The following CELA1 variants were observed in gnomAD, a reference collection of about 807,000 sequenced individuals.
CELA1 encodes chymotrypsin-like elastase family member 1.
In CELA1, 28 loss-of-function variants were observed where a neutral mutation model predicts 34.8. That is an observed-to-expected ratio of 0.80 (90% confidence interval 0.60 to 1.10). CELA1 has a LOEUF of 1.10. CELA1 is among the 50% of genes least tolerant of loss of function. The pLI, the probability that CELA1 is intolerant of heterozygous loss-of-function variation, is 0.00. For missense variants in CELA1, 288 were observed against 327.5 expected, an observed-to-expected ratio of 0.88 and a Z score of 0.93; for synonymous variants, 140 against 129.8, an observed-to-expected ratio of 1.08 and a Z score of -0.53.
chr12:51,346,514 G>T, intron 1 of CELA1, 109 bp downstream of exon 1: 1 of 1,051,412 alleles, frequency 9.5e-7, no homozygotes, highest in East Asian at 2.6e-5. Context: ...CCTGGACTTA[G>T]GGAAAATTTG....
Position 51,346,625 on chromosome 12 carries a change from T to G in CELA1, c.14A>C (p.Tyr5Ser), listed in dbSNP as rs117443541. Residue 5 changes from tyrosine (Y) to serine (S), a missense_variant and splice_region_variant, in exon 1 of 8, where the codon TAT becomes TCT. Transcript: ENST00000293636. ...GCGACTGGACCATATCCACTTACCA[T>G]AAAGGACCAGCATGTTGCCGATGGA... is the stretch of plus-strand genomic sequence containing the variant. MLVLYGHSTQDLPET... is the reference protein window; with the variant it reads MLVLSGHSTQDLPET... The G allele has an allele frequency of 2.1e-4, 121 of 576,010 alleles. No homozygotes were observed. In the African/African-American group the frequency reaches 2.8e-3, roughly 13 times the overall value. 35.7% of individuals were successfully genotyped at this position (576,010 alleles called of 1,614,324 possible). A position where few individuals can be genotyped will look rare whatever the true frequency, so the allele number is the denominator to read the frequency against.
intron 6 of CELA1, among the ~76,000 whole-genome samples, chr12:51,334,774 TTC>T (rs1365072362): frequency 1.3e-5 from 2 of 152,268 alleles, no homozygotes; most frequent in South Asian, 2.1e-4. Flanking sequence ...GCCTGCCAGC[TTC>T]TCTCTCTCCT....
chr12:51,340,174 C>T lies in CELA1; in HGVS notation c.464-169G>A, dbSNP rs74904266. ...CCTCTGTCTTCTCTCTTTATATGGC[C>T]GCACAGGACCCTTCCCTCAGGGAGG... is the stretch of plus-strand genomic sequence containing the variant. On this transcript the variant is annotated intron_variant, in intron 5 of 7. Coordinates refer to ENST00000293636, the MANE Select transcript of CELA1 (RefSeq NM_001971.6). Among the ~76,000 whole-genome samples, 756 of 152,226 alleles carry T rather than the reference C, an allele frequency of 5.0e-3. 5 individuals carry two copies. The highest frequency in any genetic ancestry group is 0.017 in the African/African-American group (697 of 41,516).
intron 7 of CELA1, 135 bp downstream of exon 7, chr12:51,329,549 G>T: frequency 2.2e-6 from 2 of 918,604 alleles, no homozygotes; most frequent in Non-Finnish European, 3.2e-6. Flanking sequence ...GTGGAAGGAA[G>T]GGAAGGGAGT....
At chr12:51,333,317 C>A (rs138107002) in intron 6 of CELA1, among the ~76,000 whole-genome samples, 3,094 of 151,974 alleles carry the variant, frequency 0.02, 41 homozygotes, top group Non-Finnish European at 0.033. Flanking sequence ...TGGTCTTGAA[C>A]TCCTGACCTC....
At chr12:51,333,274 A>G (rs763995879) in intron 6 of CELA1, among the ~76,000 whole-genome samples, 6 of 151,662 alleles carry the variant, frequency 4.0e-5, no homozygotes, top group Non-Finnish European at 7.4e-5. Flanking sequence ...TTGCATTTTT[A>G]GTAGAGATGG....
At chr12:51,332,287 C>A (rs1206078902) in intron 6 of CELA1, among the ~76,000 whole-genome samples, 1 of 151,568 alleles carries the variant, frequency 6.6e-6, no homozygotes, top group Non-Finnish European at 1.5e-5. Flanking sequence ...ATAGTAAATG[C>A]CGAATGTTGA....
chr12:51,342,459 C>G (rs773981951), intron 4 of CELA1, 116 bp downstream of exon 4: 3 of 1,454,920 alleles, frequency 2.1e-6, no homozygotes, highest in Non-Finnish European at 2.8e-6. Flanking sequence ...GAGCCACGGA[C>G]CAGGTTTCAG....
chr12:51,332,004 G>T (rs1426131675), intron 6 of CELA1, among the ~76,000 whole-genome samples: 1 of 151,856 alleles, frequency 6.6e-6, no homozygotes, highest in Non-Finnish European at 1.5e-5. Flanking sequence ...GGTACAAACC[G>T]AGACCCCCAT....
rs760279262 is a variant in CELA1, at chr12:51,343,820, A to G, written c.133T>C (p.Tyr45His). 6.2e-7 allele frequency: 1 copy of G among 1,608,840 alleles called. No individual in the cohort carries two copies. The highest frequency in any genetic ancestry group is 8.5e-7 in the Non-Finnish European group (1 of 1,176,110). Residue 45 changes from tyrosine (Y) to histidine (H), a missense_variant, in exon 3 of 8, where the codon TAT becomes CAT. Coordinates refer to ENST00000293636, the MANE Select transcript of CELA1 (RefSeq NM_001971.6). Reference protein sequence around the residue: ...SLQYRSGGSRYHTCGGTLIRQ... With the variant: ...SLQYRSGGSRHHTCGGTLIRQ... ...ATAAGGGTCCCTCCACAGGTGTGATACCGGGAACCTCCAGACCGGTACTGG... is the reference window on the plus strand; with the variant it reads ...ATAAGGGTCCCTCCACAGGTGTGATGCCGGGAACCTCCAGACCGGTACTGG...
intron 6 of CELA1, among the ~76,000 whole-genome samples, chr12:51,333,317 C>G (rs138107002): frequency 6.6e-6 from 1 of 151,880 alleles, no homozygotes; most frequent in African/African-American, 2.4e-5. Context: ...TGGTCTTGAA[C>G]TCCTGACCTC....
intron 3 of CELA1, among the ~76,000 whole-genome samples, chr12:51,343,036 T>C (rs1238805987): frequency 6.6e-6 from 1 of 152,150 alleles, no homozygotes; most frequent in African/African-American, 2.4e-5. Flanking sequence ...TAACAAGCTC[T>C]TTCATTCCCT....
chr12:51,345,396 G>T (rs1333230653), intron 2 of CELA1, among the ~76,000 whole-genome samples: 6 of 148,530 alleles, frequency 4.0e-5, no homozygotes, highest in Admixed American at 4.0e-4. Context: ...TGCTGTACGT[G>T]TGTGTGTGTG....
chr12:51,343,707 C>T, intron 3 of CELA1, 46 bp downstream of exon 3: 1 of 1,175,994 alleles, frequency 8.5e-7, no homozygotes, highest in Non-Finnish European at 1.3e-6. Flanking sequence ...AGGTCAGCCC[C>T]TTCCCCTTCC....
chr12:51,339,048 T>A (rs895018158), intron 6 of CELA1, among the ~76,000 whole-genome samples: 4 of 152,234 alleles, frequency 2.6e-5, no homozygotes, highest in Non-Finnish European at 5.9e-5. Context: ...ATATTTGTTA[T>A]ATATAAGCTA....
chr12:51,338,474 C>T (rs1306126489), intron 6 of CELA1, among the ~76,000 whole-genome samples: 1 of 152,054 alleles, frequency 6.6e-6, no homozygotes, highest in African/African-American at 2.4e-5. Flanking sequence ...TTCTTGGCCC[C>T]CTGCCTTTAT....
At position 51,346,597 on chromosome 12, in the gene CELA1, G is replaced by A. The variant is rs769307082; in HGVS notation, c.16+26C>T. On this transcript the variant is annotated intron_variant, in intron 1 of 7. Transcript: ENST00000293636. ...GATCCACTTACCATAAAGGACCAGG[G>A]TTGCGACTGGACCATATCCACTTAC... The A allele has an allele frequency of 6.7e-6, 8 of 1,195,678 alleles. No homozygotes were observed. The African/African-American group carries it at 1.2e-4, about 18-fold the overall frequency. The allele number at this position is 1,195,678 out of a possible 1,614,324, so 74.1% of individuals were successfully genotyped here. A position where few individuals can be genotyped will look rare whatever the true frequency, so the allele number is the denominator to read the frequency against.
chr12:51,331,313 C>G (rs1485327052), intron 6 of CELA1, among the ~76,000 whole-genome samples: 12 of 152,150 alleles, frequency 7.9e-5, no homozygotes, highest in African/African-American at 2.9e-4. Flanking sequence ...CGCTTGAACC[C>G]AGGAGCTGGA....
In CELA1 at chr12:51,343,742, G is replaced by A; in HGVS notation, c.200+11C>T. 2 of 1,525,490 alleles carry A rather than the reference G, an allele frequency of 1.3e-6. No homozygotes were observed. Among genetic ancestry groups the A allele is most frequent in the Non-Finnish European group, 1.8e-6 (2 of 1,100,100 alleles). The allele number at this position is 1,525,490 out of a possible 1,614,324, so 94.5% of individuals were successfully genotyped here. A position where few individuals can be genotyped will look rare whatever the true frequency, so the allele number is the denominator to read the frequency against. ...CAGGGGCCCAGGAAAGCTTGTCTTTGTTTTTCTTACTAATCCACGCAGTGA... is the reference window on the plus strand; with the variant it reads ...CAGGGGCCCAGGAAAGCTTGTCTTTATTTTTCTTACTAATCCACGCAGTGA... On this transcript the variant is annotated intron_variant, in intron 3 of 7. Transcript: ENST00000293636.
Sources: allele counts gnomAD v4.1 joint callset (sites outside exome capture counted in the v4.1 genomes callset), GRCh38; gene constraint gnomAD v4.1.1; transcripts MANE v1.5; gene names NCBI Gene and HGNC (gene_info 2026-07-23, HGNC 2026-07-21).